SYT16: variants seen among roughly 807,000 people sequenced by gnomAD.
SYT16 encodes synaptotagmin-16.
In SYT16, 42 loss-of-function variants were observed where a neutral mutation model predicts 61.4. The observed-to-expected ratio is 0.68, with a 90% CI of 0.53 to 0.89. The LOEUF (loss-of-function observed/expected upper bound fraction) is 0.89, where lower values mean the gene tolerates loss of function less well. Among genes scored for constraint, SYT16 ranks in the 40% least tolerant of loss-of-function variants. The probability of loss-of-function intolerance (pLI) is 0.00; values close to 1 mark genes in which losing one functional copy is unlikely to be tolerated. For synonymous variants in SYT16, 314 were observed against 302.3 expected (o/e 1.04, Z -0.40); for missense variants, 804 against 807.3 (o/e 1.00, Z 0.05).
chr14:62,096,759 G>C (rs2057288099), intron 7 of SYT16, among the ~76,000 whole-genome samples: 1 of 152,032 alleles, frequency 6.6e-6, no homozygotes, highest in Admixed American at 6.6e-5. Context: ...AAAGAAGTTG[G>C]ACAGGATCCC....
chr14:61,819,451 T>A (rs2045547773), intron 1 of SYT16, among the ~76,000 whole-genome samples: 1 of 152,220 alleles, frequency 6.6e-6, no homozygotes, highest in Admixed American at 6.5e-5. Flanking sequence ...TTTTAGGTAG[T>A]TTACATTTAT....
chr14:62,099,382 G>A (rs1452142494), intron 7 of SYT16, among the ~76,000 whole-genome samples: 1 of 152,112 alleles, frequency 6.6e-6, no homozygotes, highest in Non-Finnish European at 1.5e-5. Context: ...AACAGAATGT[G>A]GCAACTGATT....
At chr14:62,031,246 A>G (rs935208808) in intron 3 of SYT16, among the ~76,000 whole-genome samples, 1 of 152,160 alleles carries the variant, frequency 6.6e-6, no homozygotes, top group Non-Finnish European at 1.5e-5. Flanking sequence ...ACTGATTCCT[A>G]TTTGGTTGAG....
chr14:61,908,008 C>A (rs1260607991), intron 1 of SYT16, among the ~76,000 whole-genome samples: 1 of 152,208 alleles, frequency 6.6e-6, no homozygotes, highest in Admixed American at 6.5e-5. Flanking sequence ...TGTAGCCATG[C>A]TCTTGCAACT....
intron 1 of SYT16, among the ~76,000 whole-genome samples, chr14:61,859,524 CCT>C (rs919880479): frequency 4.6e-5 from 7 of 151,888 alleles, no homozygotes; most frequent in African/African-American, 1.4e-4. Flanking sequence ...TCGGAAAACC[CCT>C]CTCTCTCTCG....
chr14:62,034,509 T>G (rs751050979), intron 3 of SYT16, among the ~76,000 whole-genome samples: 1 of 152,150 alleles, frequency 6.6e-6, no homozygotes, highest in Non-Finnish European at 1.5e-5. Context: ...TCAAATGGAA[T>G]ATTACTTGGC....
intron 3 of SYT16, among the ~76,000 whole-genome samples, chr14:62,024,223 T>C (rs928730414): frequency 6.6e-6 from 1 of 152,072 alleles, no homozygotes; most frequent in African/African-American, 2.4e-5. Context: ...TAGAGTTTCA[T>C]CTACCGCAGG....
chr14:61,832,021 T>C, intron 1 of SYT16: 1 of 680,754 alleles, frequency 1.5e-6, no homozygotes, highest in Non-Finnish European at 2.8e-6. Context: ...CAGATGATAA[T>C]GAACGCCGTG....
At chr14:62,006,934 A>G (rs2053248688) in intron 3 of SYT16, among the ~76,000 whole-genome samples, 1 of 152,192 alleles carries the variant, frequency 6.6e-6, no homozygotes, top group Admixed American at 6.5e-5. Flanking sequence ...AGAACTTTAG[A>G]AACAATCTCG....
At chr14:61,890,872 C>T (rs2048098957) in intron 1 of SYT16, among the ~76,000 whole-genome samples, 1 of 152,060 alleles carries the variant, frequency 6.6e-6, no homozygotes, top group South Asian at 2.1e-4. Context: ...GTTGATTTTT[C>T]TCTTTGAAAA....
chr14:61,915,064 A>G (rs1344160229), intron 1 of SYT16, among the ~76,000 whole-genome samples: 1 of 151,732 alleles, frequency 6.6e-6, no homozygotes, highest in Non-Finnish European at 1.5e-5. Flanking sequence ...GCCTCAACCC[A>G]CTTATTTTTT....
chr14:61,903,792 C>T (rs993126871), intron 1 of SYT16, among the ~76,000 whole-genome samples: 1 of 152,142 alleles, frequency 6.6e-6, no homozygotes, highest in African/African-American at 2.4e-5. Flanking sequence ...TAAATAAATT[C>T]ATAAGCTTTA....
intron 1 of SYT16, among the ~76,000 whole-genome samples, chr14:61,869,988 T>G (rs1323389219): frequency 6.6e-6 from 1 of 152,216 alleles, no homozygotes; most frequent in Non-Finnish European, 1.5e-5. Context: ...AACAATATGT[T>G]ATTATCTTTG....
chr14:62,004,945 A>G (rs1032069428), intron 3 of SYT16, among the ~76,000 whole-genome samples: 2 of 152,020 alleles, frequency 1.3e-5, no homozygotes, highest in Non-Finnish European at 2.9e-5. Flanking sequence ...GGGGAGGGGG[A>G]GGTGTGCCTC....
In SYT16 at chr14:62,111,964, C is replaced by T. The variant is rs534341500; in HGVS notation, c.*11257C>T. ...ACAAACAGCTGTAGAATGTAATGAC[C>T]CATCCTATTTCTAAATTTACTTCTA... On this transcript the variant is annotated 3_prime_UTR_variant, in exon 8 of 8. Coordinates refer to ENST00000683842, the MANE Select transcript of SYT16 (RefSeq NM_001367656.1). 1 of 152,144 alleles carries T rather than the reference C, an allele frequency of 6.6e-6. No individual in the cohort carries two copies. The highest frequency in any genetic ancestry group is 2.4e-5 in the African/African-American group (1 of 41,522). 9.4% of individuals were successfully genotyped at this position (152,144 alleles called of 1,614,324 possible).
At chr14:61,988,986 T>C (rs2052433930) in intron 2 of SYT16, among the ~76,000 whole-genome samples, 1 of 152,154 alleles carries the variant, frequency 6.6e-6, no homozygotes, top group Non-Finnish European at 1.5e-5. Context: ...ATTACACATA[T>C]AAACCTGGGG....
chr14:62,059,660 GTAATTGATACATATATA>G (rs1259987534), intron 3 of SYT16, among the ~76,000 whole-genome samples: 1 of 128,106 alleles, frequency 7.8e-6, no homozygotes, highest in African/African-American at 3.9e-5. Flanking sequence ...TTATATATAT[GTAATTGATACATATATA>G]TAATTTATAT....
chr14:61,995,982 C>T lies in SYT16; in HGVS notation c.-38C>T. The stretch of plus-strand genomic sequence containing the variant: ...CATTCAATCCAGAGCACTGAAGGAA[C>T]TGAACAACTGGACACTGTAGACATC... On this transcript the variant is annotated 5_prime_UTR_variant, in exon 3 of 8. Transcript: ENST00000683842. 1 of 1,527,546 alleles carries T rather than the reference C, an allele frequency of 6.5e-7. No individual in the cohort carries two copies. Among genetic ancestry groups the T allele is most frequent in the South Asian group, 1.3e-5 (1 of 75,510 alleles). 94.6% of individuals were successfully genotyped at this position (1,527,546 alleles called of 1,614,324 possible). A position where few individuals can be genotyped will look rare whatever the true frequency, so the allele number is the denominator to read the frequency against.
intron 1 of SYT16, among the ~76,000 whole-genome samples, chr14:61,916,301 GGCT>G (rs2049119006): frequency 6.6e-6 from 1 of 151,902 alleles, no homozygotes; most frequent in African/African-American, 2.4e-5. Flanking sequence ...CTTTTTATAA[GGCT>G]GCTTTTATAT....
Sources: gnomAD v4.1 joint callset for allele counts (sites outside exome capture counted in the v4.1 genomes callset) on GRCh38, gnomAD v4.1.1 for gene constraint, MANE v1.5 for transcripts, NCBI Gene and HGNC (gene_info 2026-07-23, HGNC 2026-07-21) for gene names.